The following DOCK1 variants were observed in gnomAD, a reference collection of about 807,000 sequenced individuals.
DOCK1 encodes dedicator of cytokinesis 1.
A neutral mutation model predicts 262.7 loss-of-function variants in DOCK1; 138 were observed. The observed-to-expected ratio is 0.53, with a 90% confidence interval of 0.46 to 0.61. The LOEUF is 0.61. Among genes scored for constraint, DOCK1 ranks in the 20% least tolerant of loss-of-function variants. DOCK1 has a pLI of 0.00. For synonymous variants in DOCK1, 866 were observed against 867.4 expected (o/e 1.00, Z 0.03); for missense variants, 1,908 against 2,370.7 (o/e 0.80, Z 4.05).
At chr10:127,317,360 A>C (rs2062329096) in intron 29 of DOCK1, among the ~76,000 whole-genome samples, 1 of 152,236 alleles carries the variant, frequency 6.6e-6, no homozygotes, top group Non-Finnish European at 1.5e-5. Flanking sequence ...AATATGGCAT[A>C]ACACAGAATT....
Position 127,347,250 on chromosome 10 carries a change from G to A in DOCK1, c.3224+3504G>A, listed in dbSNP as rs372469217. ...TTCAGTGCCCACTCTGTGCTCAGTCGGGCCATGGTCCCGGTGCCGGGGACA... is the reference window on the plus strand; with the variant it reads ...TTCAGTGCCCACTCTGTGCTCAGTCAGGCCATGGTCCCGGTGCCGGGGACA... On this transcript the variant is annotated intron_variant, in intron 31 of 51. Transcript: ENST00000623213. 8.5e-5 allele frequency among the ~76,000 whole-genome samples: 13 copies of A among 152,334 alleles called. No individual in the cohort carries two copies. In the East Asian group the frequency reaches 1.7e-3, roughly 20 times the overall value.
intron 19 of DOCK1, among the ~76,000 whole-genome samples, chr10:127,042,001 T>G (rs1209458801): frequency 6.6e-6 from 1 of 152,248 alleles, no homozygotes; most frequent in Non-Finnish European, 1.5e-5. Flanking sequence ...CTTTGAAGTC[T>G]CTTCCTAATT....
intron 29 of DOCK1, among the ~76,000 whole-genome samples, chr10:127,284,739 C>G (rs2720995): frequency 0.94 from 142,428 of 152,288 alleles, 66,747 homozygotes; most frequent in East Asian, 1. Context: ...GTGAAAAAGT[C>G]AGACCCTGTC....
rs5788842 is a variant in DOCK1, at chr10:127,437,478, CTTTTTTTTTTT to C, written c.5061-1538_5061-1528del. ...GGAGCAAGATTGCTGCAATGACCAT[CTTTTTTTTTTT>C]TTTTTTTTTTGAGACAGGATCTGGC... On this transcript the variant is annotated intron_variant, in intron 48 of 51. Transcript: ENST00000623213. The surrounding 1 kb of genome is among the most constrained non-coding windows in gnomAD (Gnocchi z 4.4). Among the ~76,000 whole-genome samples the C allele has an allele frequency of 4.2e-4, 61 of 145,892 alleles. 1 individual carries two copies. Among genetic ancestry groups the C allele is most frequent in the Admixed American group, 1.8e-3 (26 of 14,618 alleles).
chr10:127,323,676 C>A (rs1380039644), intron 29 of DOCK1, among the ~76,000 whole-genome samples: 1 of 152,152 alleles, frequency 6.6e-6, no homozygotes. Context: ...GTTCTGCCAC[C>A]TACGAGCTGA....
intron 29 of DOCK1, among the ~76,000 whole-genome samples, chr10:127,328,970 T>C (rs2062859415): frequency 6.6e-6 from 1 of 151,540 alleles, no homozygotes; most frequent in Admixed American, 6.6e-5. Context: ...GTAACCACAA[T>C]AGAAAAGAAA....
chr10:126,957,550 G>T lies in DOCK1; in HGVS notation c.47-13152G>T, dbSNP rs1414230087. On this transcript the variant is annotated intron_variant, in intron 1 of 51. Transcript: ENST00000623213. ...ACCCAGGCTTGACTGCAGTGGCACG[G>T]TCATAGCTCACTGCAGCCCTCAACT... 5.9e-5 allele frequency among the ~76,000 whole-genome samples: 9 copies of T among 152,180 alleles called. No homozygotes were observed. The East Asian group carries it at 1.5e-3, about 26-fold the overall frequency.
intron 27 of DOCK1, among the ~76,000 whole-genome samples, chr10:127,199,064 A>T (rs1202346314): frequency 5.3e-5 from 8 of 152,144 alleles, no homozygotes; most frequent in Admixed American, 2.6e-4. Flanking sequence ...CTCAGGAAAA[A>T]AAAAAAGTGA....
intron 1 of DOCK1, among the ~76,000 whole-genome samples, chr10:126,960,147 G>A (rs938210003): frequency 3.9e-5 from 6 of 152,156 alleles, no homozygotes; most frequent in Non-Finnish European, 8.8e-5. Context: ...TAACATTCAG[G>A]TAATAGTTTT....
Position 127,339,733 on chromosome 10 carries a change from G to GTGTGTGTGTGTGTGTGTGTGCA in DOCK1, c.3123+651_3123+652insTGTGTGTGTGTGTGTGTGCATG, listed in dbSNP as rs71032552. Among the ~76,000 whole-genome samples, 559 of 109,182 alleles carry GTGTGTGTGTGTGTGTGTGTGCA rather than the reference G, an allele frequency of 5.1e-3. 13 individuals are homozygous for GTGTGTGTGTGTGTGTGTGTGCA. The highest frequency in any genetic ancestry group is 0.014 in the East Asian group (40 of 2,856). 71.6% of individuals were successfully genotyped at this position (109,182 alleles called of 152,430 possible). ...TGTGTGTGTGTGTGTGTGTGTGTGT[G>GTGTGTGTGTGTGTGTGTGTGCA]TGCATGCTGTAAGGATTGATTTTGC... On this transcript the variant is annotated intron_variant, in intron 30 of 51. Coordinates refer to ENST00000623213, the MANE Select transcript of DOCK1 (RefSeq NM_001290223.2).
At position 126,996,378 on chromosome 10, in the gene DOCK1, C is replaced by CA. The variant is rs55841173; in HGVS notation, c.474-345dup. 4.1e-3 allele frequency among the ~76,000 whole-genome samples: 393 copies of CA among 95,376 alleles called. 5 individuals carry two copies. The highest frequency in any genetic ancestry group is 0.014 in the East Asian group (45 of 3,326). The allele number at this position is 95,376 out of a possible 152,430, so 62.6% of individuals were successfully genotyped here. On this transcript the variant is annotated intron_variant, in intron 6 of 51. Coordinates refer to ENST00000623213, the MANE Select transcript of DOCK1 (RefSeq NM_001290223.2). Reference sequence around the variant, plus strand: ...ATGGGCAACAAGAACGAGACTGTCTCAAAAAAAAAAAAAAAAAAAAAAAAA... The same window carrying CA: ...ATGGGCAACAAGAACGAGACTGTCTCAAAAAAAAAAAAAAAAAAAAAAAAAA...
At position 127,263,537 on chromosome 10, in the gene DOCK1, G is replaced by A. The variant is rs143507320; in HGVS notation, c.3044+6108G>A. On this transcript the variant is annotated intron_variant, in intron 29 of 51. Coordinates refer to ENST00000623213, the MANE Select transcript of DOCK1 (RefSeq NM_001290223.2). ...CAGATGGCAAGATGACATTTAAGATGAGCACAGCACAGAAACAGTAGAAGT... is the reference window on the plus strand; with the variant it reads ...CAGATGGCAAGATGACATTTAAGATAAGCACAGCACAGAAACAGTAGAAGT... 3.0e-3 allele frequency among the ~76,000 whole-genome samples: 453 copies of A among 152,314 alleles called. 1 individual carries two copies. The highest frequency in any genetic ancestry group is 5.4e-3 in the Non-Finnish European group (365 of 68,034).
chr10:126,955,315 G>A (rs947258691), intron 1 of DOCK1, among the ~76,000 whole-genome samples: 8 of 152,192 alleles, frequency 5.3e-5, no homozygotes, highest in Non-Finnish European at 1.2e-4. Flanking sequence ...TTGTAGAGAA[G>A]GGGTTTCACT....
chr10:126,917,510 C>G (rs1013602740), intron 1 of DOCK1, among the ~76,000 whole-genome samples: 4 of 152,148 alleles, frequency 2.6e-5, no homozygotes, highest in African/African-American at 9.7e-5. Flanking sequence ...CCACTCCTGT[C>G]CAGCTGGGTG....
At chr10:127,017,126 AACAG>A (rs1356681889) in intron 12 of DOCK1, among the ~76,000 whole-genome samples, 1 of 116,378 alleles carries the variant, frequency 8.6e-6, no homozygotes, top group Admixed American at 8.6e-5. Context: ...ACACCATAAA[AACAG>A]ACATACACAC....
intron 5 of DOCK1, among the ~76,000 whole-genome samples, chr10:126,989,725 A>G (rs2039661709): frequency 6.6e-6 from 1 of 152,226 alleles, no homozygotes; most frequent in African/African-American, 2.4e-5. Flanking sequence ...CTCCTTGATT[A>G]TTGTACGCTT....
chr10:127,442,452 T>C (rs914815465), intron 49 of DOCK1, among the ~76,000 whole-genome samples: 15 of 152,186 alleles, frequency 9.9e-5, no homozygotes, highest in African/African-American at 3.6e-4. Context: ...TAATTACTCC[T>C]GCGTCAGAGT....
intron 27 of DOCK1, among the ~76,000 whole-genome samples, chr10:127,162,927 A>G (rs1439261945): frequency 6.6e-6 from 1 of 152,176 alleles, no homozygotes; most frequent in Admixed American, 6.5e-5. Flanking sequence ...GGAATTCTTG[A>G]TGGGTTAAGG....
intron 10 of DOCK1, 45 bp from the exon 11 acceptor site, chr10:127,008,687 A>T: frequency 6.7e-7 from 1 of 1,481,942 alleles, no homozygotes. Context: ...TTCTGTGATT[A>T]TAGCATTTAA....
Sources: gnomAD v4.1 joint callset for allele counts (sites outside exome capture counted in the v4.1 genomes callset) on GRCh38, gnomAD v4.1.1 for gene constraint, Gnocchi (gnomAD v3.1) non-coding constraint, MANE v1.5 for transcripts, NCBI Gene and HGNC (gene_info 2026-07-23, HGNC 2026-07-21) for gene names.